The following ENG variants were observed in gnomAD, a reference collection of about 807,000 sequenced individuals.
ENG encodes endoglin.
Under a neutral mutation model 71.0 loss-of-function variants are expected in ENG, and 17 were observed. That is an observed-to-expected ratio of 0.24 (90% CI 0.16 to 0.36). ENG has a LOEUF of 0.36. ENG is among the 10% of genes least tolerant of loss of function. ENG has a pLI of 1.00. For synonymous variants in ENG, 360 were observed against 366.9 expected, an observed-to-expected ratio of 0.98 and a Z score of 0.21; for missense variants, 749 against 868.3, an observed-to-expected ratio of 0.86 and a Z score of 1.73.
At chr9:127,819,804 T>A in intron 9 of ENG, 96 bp downstream of exon 9, 1 of 1,611,162 alleles carries the variant, frequency 6.2e-7, no homozygotes, top group Non-Finnish European at 8.5e-7. Flanking sequence ...TGCAGCCTGC[T>A]CTCCCAAACA....
At chr9:127,816,707 CTT>C (rs1564451748) in intron 13 of ENG, 6 of 279,138 alleles carry the variant, frequency 2.1e-5, no homozygotes, top group South Asian at 1.6e-4. Flanking sequence ...TGTCGGGACT[CTT>C]CTGCCTGGTG....
chr9:127,842,493 A>C (rs1831060407), intron 2 of ENG, among the ~76,000 whole-genome samples: 1 of 151,174 alleles, frequency 6.6e-6, no homozygotes, highest in Non-Finnish European at 1.5e-5. Context: ...GCACAATCTC[A>C]AGCTCACTGC....
At chr9:127,852,561 A>G (rs949607811) in intron 1 of ENG, among the ~76,000 whole-genome samples, 2 of 152,132 alleles carry the variant, frequency 1.3e-5, no homozygotes, top group East Asian at 1.9e-4. Flanking sequence ...AGTTTTTCCA[A>G]CTGGCTGTTA....
In ENG at chr9:127,854,653, T is replaced by A. The variant is rs1396101952; in HGVS notation, c.-298A>T. 6.3e-6 allele frequency: 3 copies of A among 472,570 alleles called. No individual in the cohort carries two copies. Among genetic ancestry groups the A allele is most frequent in the Non-Finnish European group, 1.1e-5 (3 of 269,016 alleles). 29.3% of individuals were successfully genotyped at this position (472,570 alleles called of 1,614,324 possible). ...GGCCCCAGGGCGCAGATGAAGGCTG[T>A]GGTATGACCGGCAGCAGGGAGCTCC... On this transcript the variant is annotated 5_prime_UTR_variant, in exon 1 of 15. Coordinates refer to ENST00000373203, the MANE Select transcript of ENG (RefSeq NM_001114753.3).
chr9:127,840,598 T>C (rs561750124), intron 2 of ENG, among the ~76,000 whole-genome samples: 135 of 152,282 alleles, frequency 8.9e-4, no homozygotes, highest in Non-Finnish European at 1.5e-3. Context: ...TGTTCTCAGG[T>C]GAGCTCCTGA....
chr9:127,825,976 G>A (rs1344243957), intron 4 of ENG, 116 bp from the exon 5 acceptor site: 2 of 1,377,012 alleles, frequency 1.5e-6, no homozygotes, highest in South Asian at 1.3e-5. Flanking sequence ...GCTGCAGAGG[G>A]GGAGAGGCGT....
intron 1 of ENG, among the ~76,000 whole-genome samples, chr9:127,843,629 A>G (rs915005247): frequency 1.3e-5 from 2 of 149,290 alleles, no homozygotes; most frequent in East Asian, 3.9e-4. Context: ...CCCCATGTAT[A>G]TATGTGTGTG....
At chr9:127,850,419 A>G (rs2131930778) in intron 1 of ENG, among the ~76,000 whole-genome samples, 1 of 152,338 alleles carries the variant, frequency 6.6e-6, no homozygotes, top group East Asian at 1.9e-4. Flanking sequence ...CCCAGCACCA[A>G]CACATCCGTG....
intron 9 of ENG, 92 bp from the exon 10 acceptor site, chr9:127,819,752 T>A: frequency 6.3e-7 from 1 of 1,590,388 alleles, no homozygotes; most frequent in East Asian, 2.3e-5. Context: ...ATGGGGAGAC[T>A]AAGCCAACCA....
Position 127,815,808 on chromosome 9 carries a change from T to TGGGAGCGGGAGC in ENG, c.1853-14_1853-3dup. On this transcript the variant is annotated splice_polypyrimidine_tract_variant and splice_region_variant and intron_variant, in intron 14 of 14. Transcript: ENST00000373203. ...CGGGCTCCCGCTTGCTGGGGGAACC[T>TGGGAGCGGGAGC]GGGAGCGGGAGCGGGGGCAGGGGCG... 1 of 1,546,922 alleles carries TGGGAGCGGGAGC rather than the reference T, an allele frequency of 6.5e-7. No individual in the cohort carries two copies. The highest frequency in any genetic ancestry group is 8.7e-7 in the Non-Finnish European group (1 of 1,146,620).
chr9:127,829,588 G>T, intron 3 of ENG, 99 bp downstream of exon 3: 2 of 1,497,500 alleles, frequency 1.3e-6, no homozygotes, highest in Non-Finnish European at 9.1e-7. Context: ...GAGAAGCAGG[G>T]CTGGGCCGCT....
At position 127,818,827 on chromosome 9, in the gene ENG, C is replaced by A. The variant is rs757129437; in HGVS notation, c.1317G>T (p.Lys439Asn). The A allele has an allele frequency of 6.2e-7, 1 of 1,613,852 alleles. No individual in the cohort carries two copies. The highest frequency in any genetic ancestry group is 1.1e-5 in the South Asian group (1 of 91,056). Residue 439 changes from lysine to asparagine, a missense_variant, in exon 11 of 15, where the codon AAG becomes AAT. By Grantham distance (94) the Lys-to-Asn change is moderately conservative. Transcript: ENST00000373203. Reference sequence around the variant, plus strand: ...GGCTGTCCATGTTGAGGCAGTGCACCTTTTTCTGGGGGAGGACGGGAGGGA... The same window carrying A: ...GGCTGTCCATGTTGAGGCAGTGCACATTTTTCTGGGGGAGGACGGGAGGGA... ...ILSSSSPQRK[K>N]VHCLNMDSLS...
chr9:127,831,318 G>T (rs376272653), intron 2 of ENG, among the ~76,000 whole-genome samples: 7 of 150,884 alleles, frequency 4.6e-5, no homozygotes, highest in Admixed American at 4.6e-4. Context: ...CCACCACGAC[G>T]CATGGCTAAT....
At chr9:127,829,106 T>C (rs1192272731) in intron 3 of ENG, among the ~76,000 whole-genome samples, 4 of 152,202 alleles carry the variant, frequency 2.6e-5, no homozygotes, top group Admixed American at 6.5e-5. Context: ...TGTTTTTAAT[T>C]GTTTTTCCCA....
chr9:127,830,665 A>G (rs1476137296), intron 2 of ENG, among the ~76,000 whole-genome samples: 2 of 151,812 alleles, frequency 1.3e-5, no homozygotes, highest in African/African-American at 4.8e-5. Context: ...AAAACAAAAA[A>G]CAAACAAAAA....
chr9:127,818,654 G>A, intron 11 of ENG, 62 bp downstream of exon 11: 2 of 1,561,716 alleles, frequency 1.3e-6, no homozygotes, highest in Non-Finnish European at 1.8e-6. Flanking sequence ...ATGGTGGGAA[G>A]AAAGGCGGAG....
chr9:127,818,938 C>CTTT, intron 10 of ENG, 106 bp from the exon 11 acceptor site: 1 of 880,982 alleles, frequency 1.1e-6, no homozygotes, highest in African/African-American at 1.8e-5. Flanking sequence ...TTGCCTGACT[C>CTTT]TCTTTTTTTT....
intron 12 of ENG, chr9:127,817,664 GC>G: frequency 2.9e-6 from 1 of 348,534 alleles, no homozygotes; most frequent in South Asian, 2.6e-5. Flanking sequence ...AGGATAGATT[GC>G]CTGAGAGTGG....
intron 2 of ENG, among the ~76,000 whole-genome samples, chr9:127,840,521 A>G (rs984372366): frequency 7.9e-5 from 12 of 152,170 alleles, no homozygotes; most frequent in African/African-American, 2.9e-4. Context: ...AAACAAAAAC[A>G]ACAAAAAACA....
Sources: allele counts gnomAD v4.1 joint callset (sites outside exome capture counted in the v4.1 genomes callset), GRCh38; gene constraint gnomAD v4.1.1; transcripts MANE v1.5; gene names NCBI Gene and HGNC (gene_info 2026-07-23, HGNC 2026-07-21).